Variants in MUSK observed in about 807,000 individuals in gnomAD.
The protein encoded by MUSK is muscle, skeletal receptor tyrosine-protein kinase.
Under a neutral mutation model 88.7 loss-of-function variants are expected in MUSK, and 55 were observed. The ratio of observed to expected loss-of-function variants is 0.62; its 90% CI spans 0.50 to 0.78. The LOEUF is 0.78. Among genes scored for constraint, MUSK ranks in the 30% least tolerant of loss-of-function variants. MUSK has a pLI of 0.00. For missense variants in MUSK, 1,015 were observed against 1,074.3 expected (o/e 0.94, Z 0.77); for synonymous variants, 387 against 391.9 (o/e 0.99, Z 0.15).
chr9:110,762,264 G>T, intron 8 of MUSK, 56 bp downstream of exon 8: 1 of 1,325,132 alleles, frequency 7.5e-7, no homozygotes, highest in Non-Finnish European at 9.9e-7. Context: ...TAGGGATTTC[G>T]TTTGTTTGTT....
rs770314767 is a variant in MUSK at position 110,715,451 on chromosome 9, G to T, written c.628+17985G>T. On this transcript the variant is annotated intron_variant, in intron 5 of 14. Transcript: ENST00000374448. ...CCACCTGGATTGCTGTTAGGGTATT[G>T]TACATGAGTGTAAGGAAAGTATCCT... Among the ~76,000 whole-genome samples, 28 of 148,772 alleles carry T rather than the reference G, an allele frequency of 1.9e-4. 1 individual carries two copies. Among genetic ancestry groups the T allele is most frequent in the Non-Finnish European group, 3.8e-4 (26 of 67,786 alleles).
At chr9:110,687,077 G>C (rs2076205170) in intron 2 of MUSK, 40 bp from the exon 3 acceptor site, 1 of 1,584,798 alleles carries the variant, frequency 6.3e-7, no homozygotes, top group African/African-American at 1.3e-5. Flanking sequence ...AAAAATCACA[G>C]AGGAAGCACT....
intron 3 of MUSK, among the ~76,000 whole-genome samples, chr9:110,693,034 A>AG (rs2076379075): frequency 6.6e-6 from 1 of 152,200 alleles, no homozygotes; most frequent in Non-Finnish European, 1.5e-5. Context: ...GTGAGTAAGT[A>AG]GGTGGGGATC....
chr9:110,716,237 T>C (rs2076742018), intron 5 of MUSK, among the ~76,000 whole-genome samples: 1 of 150,100 alleles, frequency 6.7e-6, no homozygotes, highest in Non-Finnish European at 1.5e-5. Flanking sequence ...TAAAGTGATC[T>C]TCAGAAAACA....
At chr9:110,757,828 T>C (rs1360979744) in intron 7 of MUSK, among the ~76,000 whole-genome samples, 2 of 152,216 alleles carry the variant, frequency 1.3e-5, no homozygotes, top group Non-Finnish European at 2.9e-5. Flanking sequence ...TATGTATGCA[T>C]TAACCAAATT....
At chr9:110,708,751 TTGTATAATAA>T (rs1239353561) in intron 5 of MUSK, among the ~76,000 whole-genome samples, 3 of 152,182 alleles carry the variant, frequency 2.0e-5, no homozygotes, top group Non-Finnish European at 4.4e-5. Context: ...AAAAAGTCAC[TTGTATAATAA>T]TGATAGCACT....
intron 1 of MUSK, among the ~76,000 whole-genome samples, chr9:110,678,203 C>G (rs1335852789): frequency 1.3e-5 from 2 of 152,150 alleles, no homozygotes; most frequent in Non-Finnish European, 2.9e-5. Flanking sequence ...CCTTGACCTC[C>G]TGGGCTCAAG....
intron 7 of MUSK, among the ~76,000 whole-genome samples, chr9:110,755,279 G>A (rs2077296395): frequency 6.6e-6 from 1 of 152,112 alleles, no homozygotes; most frequent in Non-Finnish European, 1.5e-5. Context: ...TTAGGGGAGG[G>A]ATAAAATTTT....
chr9:110,752,239 G>T (rs574761680), intron 7 of MUSK, among the ~76,000 whole-genome samples: 3 of 152,114 alleles, frequency 2.0e-5, no homozygotes, highest in Non-Finnish European at 4.4e-5. Context: ...CCCCATGAAG[G>T]TCCCTCTGGA....
Position 110,804,086 on chromosome 9 carries a change from T to C in MUSK, c.*3098T>C, listed in dbSNP as rs1256054343. 6.6e-6 allele frequency among the ~76,000 whole-genome samples: 1 copy of C among 152,212 alleles called. No homozygotes were observed. Among genetic ancestry groups the C allele is most frequent in the Non-Finnish European group, 1.5e-5 (1 of 68,016 alleles). ...ATTTTACAGTATATTACGAACCTGT[T>C]CCACGTCATTAAATATTCTTCTAAA... On this transcript the variant is annotated 3_prime_UTR_variant, in exon 15 of 15. Coordinates refer to ENST00000374448, the MANE Select transcript of MUSK (RefSeq NM_005592.4).
intron 5 of MUSK, among the ~76,000 whole-genome samples, chr9:110,700,579 T>C (rs1403004635): frequency 2.0e-5 from 3 of 152,092 alleles, no homozygotes; most frequent in African/African-American, 7.2e-5. Flanking sequence ...TGGAGCTATG[T>C]TTGGTGTGTA....
rs1564230190 is a variant in MUSK at position 110,701,676 on chromosome 9, TTTTTTTTAC to T, written c.628+4214_628+4222del. 4.6e-4 allele frequency among the ~76,000 whole-genome samples: 11 copies of T among 23,760 alleles called. 4 individuals carry two copies. The highest frequency in any genetic ancestry group is 7.4e-4 in the Non-Finnish European group (9 of 12,234). The allele number at this position is 23,760 out of a possible 152,430, so 15.6% of individuals were successfully genotyped here. ...TATTTATTTTATTTATTTTATTTTA[TTTTTTTTAC>T]TTTACTTTATTTTATTTTATTTTAT... On this transcript the variant is annotated intron_variant, in intron 5 of 14. Coordinates refer to ENST00000374448, the MANE Select transcript of MUSK (RefSeq NM_005592.4).
chr9:110,740,292 G>A (rs1179396305), intron 6 of MUSK, among the ~76,000 whole-genome samples: 2 of 152,072 alleles, frequency 1.3e-5, no homozygotes, highest in African/African-American at 4.8e-5. Flanking sequence ...TCTAAAAGCT[G>A]GAAGTCCAAG....
intron 13 of MUSK, 105 bp downstream of exon 13, chr9:110,785,823 TACAC>T: frequency 1.7e-6 from 1 of 581,004 alleles, no homozygotes; most frequent in Middle Eastern, 5.0e-4. Flanking sequence ...TATATATATA[TACAC>T]ACACATATAT....
intron 5 of MUSK, among the ~76,000 whole-genome samples, chr9:110,723,234 TACACACACACAC>T (rs143582345): frequency 6.8e-6 from 1 of 146,668 alleles, no homozygotes; most frequent in South Asian, 2.2e-4. Context: ...TACATATACA[TACACACACACAC>T]ACACACACAC....
chr9:110,731,122 T>C (rs576544524), intron 5 of MUSK, among the ~76,000 whole-genome samples: 122 of 152,228 alleles, frequency 8.0e-4, no homozygotes, highest in Admixed American at 7.4e-3. Flanking sequence ...TCAGCAAATA[T>C]TCATTGAGTG....
At chr9:110,725,405 C>T (rs1247179291) in intron 5 of MUSK, among the ~76,000 whole-genome samples, 1 of 152,004 alleles carries the variant, frequency 6.6e-6, no homozygotes, top group Non-Finnish European at 1.5e-5. Flanking sequence ...GATATTCTCT[C>T]TCCTTTACAA....
chr9:110,786,224 T>A (rs1160121687), intron 13 of MUSK, among the ~76,000 whole-genome samples: 1 of 150,358 alleles, frequency 6.7e-6, no homozygotes, highest in Non-Finnish European at 1.5e-5. Flanking sequence ...GGCAGAAGAA[T>A]TGCTTGAAGC....
At chr9:110,696,912 T>C (rs911102582) in intron 4 of MUSK, among the ~76,000 whole-genome samples, 8 of 151,948 alleles carry the variant, frequency 5.3e-5, no homozygotes, top group Non-Finnish European at 1.0e-4. Flanking sequence ...CTGTACATTA[T>C]ACCCAGTATA....
Sources: gnomAD v4.1 joint callset for allele counts (sites outside exome capture counted in the v4.1 genomes callset) on GRCh38, gnomAD v4.1.1 for gene constraint, MANE v1.5 for transcripts, NCBI Gene and HGNC (gene_info 2026-07-23, HGNC 2026-07-21) for gene names.